The following ELP5 variants were observed in gnomAD, a reference collection of about 807,000 sequenced individuals.
ELP5 encodes the protein elongator complex protein 5.
Under a neutral mutation model 33.4 loss-of-function variants are expected in ELP5, and 34 were observed. The observed-to-expected ratio is 1.02, with a 90% CI of 0.78 to 1.36. ELP5 has a LOEUF of 1.36. Among genes scored for constraint, ELP5 ranks in the 40% most tolerant of loss-of-function variants. The pLI is 0.00. For missense variants in ELP5, 373 were observed against 371.7 expected (o/e 1.00, Z -0.03); for synonymous variants, 161 against 146.4 (o/e 1.10, Z -0.72).
chr17:7,259,260 G>T, intron 7 of ELP5: 2 of 1,371,254 alleles, frequency 1.5e-6, no homozygotes, highest in Non-Finnish European at 1.9e-6. Flanking sequence ...GGCAGAGGCT[G>T]GTTAACAAGG....
intron 3 of ELP5, 132 bp downstream of exon 3, chr17:7,253,130 C>G: frequency 1.2e-6 from 1 of 816,594 alleles, no homozygotes; most frequent in Non-Finnish European, 2.0e-6. Context: ...GGATATGGAT[C>G]TTTCAGGAGG....
intron 4 of ELP5, among the ~76,000 whole-genome samples, chr17:7,256,415 G>A (rs974092023): frequency 6.6e-6 from 1 of 152,222 alleles, no homozygotes; most frequent in Non-Finnish European, 1.5e-5. Flanking sequence ...GCTGACCTTT[G>A]TAAGGATTCA....
chr17:7,258,797 C>A (rs758138138), intron 6 of ELP5, 29 bp from the exon 7 acceptor site: 4 of 1,614,140 alleles, frequency 2.5e-6, no homozygotes, highest in Non-Finnish European at 3.4e-6. Context: ...AGGGATGGGG[C>A]AGAGTGGCAG....
chr17:7,257,941 G>A (rs569986819), intron 5 of ELP5, among the ~76,000 whole-genome samples: 1 of 152,172 alleles, frequency 6.6e-6, no homozygotes, highest in Non-Finnish European at 1.5e-5. Context: ...AGTGGTGGGT[G>A]CCTGTAGTCC....
At chr17:7,255,109 T>C (rs1431310244) in intron 4 of ELP5, among the ~76,000 whole-genome samples, 1 of 152,086 alleles carries the variant, frequency 6.6e-6, no homozygotes, top group Admixed American at 6.5e-5. Context: ...AGACTGACTG[T>C]AGCTGGGTCC....
At position 7,252,612 on chromosome 17, in the gene ELP5, A is replaced by G; in HGVS notation, c.46+16A>G. On this transcript the variant is annotated intron_variant, in intron 1 of 7. Transcript: ENST00000396628. ...CTGCTTCGGGGTGAGAGCCAGAGGC[A>G]CGGTGGCGGGGCGGGGGGTGCGGTT... The G allele has an allele frequency of 1.2e-6, 2 of 1,609,682 alleles. No individual in the cohort carries two copies. Among genetic ancestry groups the G allele is most frequent in the Non-Finnish European group, 1.7e-6 (2 of 1,178,432 alleles).
intron 5 of ELP5, among the ~76,000 whole-genome samples, chr17:7,258,063 G>A (rs1294122472): frequency 3.3e-5 from 5 of 151,748 alleles, no homozygotes; most frequent in South Asian, 4.2e-4. Context: ...GTGAGACTCC[G>A]TCTCAAAAAA....
At chr17:7,252,625 G>T (rs199771341) in intron 1 of ELP5, 29 bp downstream of exon 1, 2 of 1,605,004 alleles carry the variant, frequency 1.2e-6, no homozygotes, top group Non-Finnish European at 8.5e-7. Context: ...GTGGCGGGGC[G>T]GGGGGTGCGG....
chr17:7,254,850 A>C (rs2072038689), intron 4 of ELP5, 47 bp downstream of exon 4: 1 of 1,505,998 alleles, frequency 6.6e-7, no homozygotes, highest in African/African-American at 1.6e-5. Context: ...TCCCTCTGCC[A>C]AGGAGTGTGC....
rs75629086 is a variant in ELP5 at position 7,259,310 on chromosome 17, C to T, written c.789-261C>T. The T allele has an allele frequency of 6.4e-4, 883 of 1,385,296 alleles. 11 individuals carry two copies. In the South Asian group the frequency reaches 9.9e-3, roughly 16 times the overall value. 85.8% of individuals were successfully genotyped at this position (1,385,296 alleles called of 1,614,324 possible). ...TGCTGTTCTGTGCCCAGTATGTGGG[C>T]GGATGACGCAAGACTACAAGATCCT... On this transcript the variant is annotated intron_variant, in intron 7 of 7. Coordinates refer to ENST00000396628, the MANE Select transcript of ELP5 (RefSeq NM_203414.3).
intron 4 of ELP5, among the ~76,000 whole-genome samples, chr17:7,255,067 G>A (rs1193017900): frequency 3.3e-5 from 5 of 150,732 alleles, no homozygotes; most frequent in Admixed American, 2.7e-4. Flanking sequence ...TATACAATGT[G>A]TCAGGTACAA....
intron 4 of ELP5, among the ~76,000 whole-genome samples, chr17:7,256,360 A>G (rs1341430421): frequency 1.3e-5 from 2 of 152,240 alleles, no homozygotes; most frequent in African/African-American, 2.4e-5. Flanking sequence ...AAAAGAAAAA[A>G]AAATTGTTAA....
rs2072155854 is a variant in ELP5, at chr17:7,259,273, T to G, written c.789-298T>G. On this transcript the variant is annotated intron_variant, in intron 7 of 7. Transcript: ENST00000396628. ...GTGGCAGAGGCTGGTTAACAAGGGC[T>G]TAGTACACGCTTGCTGTTCTGTGCC... 4 of 1,374,346 alleles carry G rather than the reference T, an allele frequency of 2.9e-6. No homozygotes were observed. In the Admixed American group the frequency reaches 9.2e-5, roughly 32 times the overall value. The allele number at this position is 1,374,346 out of a possible 1,614,324, so 85.1% of individuals were successfully genotyped here.
chr17:7,254,955 ACTTCTC>A (rs1405208977), intron 4 of ELP5, 152 bp downstream of exon 4: 21 of 536,430 alleles, frequency 3.9e-5, no homozygotes, highest in Non-Finnish European at 6.0e-5. Context: ...TTTTTTTTTT[ACTTCTC>A]CTTAATGCCA....
At chr17:7,256,802 C>T in intron 4 of ELP5, 55 bp from the exon 5 acceptor site, 5 of 1,581,032 alleles carry the variant, frequency 3.2e-6, no homozygotes, top group Non-Finnish European at 3.5e-6. Context: ...CTGTTAGCTC[C>T]CAGGCCACCA....
chr17:7,258,410 CTG>C (rs553443419), intron 5 of ELP5, among the ~76,000 whole-genome samples, 176 bp from the exon 6 acceptor site: 165 of 148,878 alleles, frequency 1.1e-3, no homozygotes, highest in African/African-American at 3.8e-3. Context: ...GATCACGCCA[CTG>C]TACTCCAGCC....
At chr17:7,259,269 G>C in intron 7 of ELP5, 1 of 1,372,994 alleles carries the variant, frequency 7.3e-7, no homozygotes, top group Non-Finnish European at 9.4e-7. Flanking sequence ...TGGTTAACAA[G>C]GGCTTAGTAC....
In ELP5 at chr17:7,256,943, A is replaced by C; in HGVS notation, c.496A>C (p.Ser166Arg). The change falls in exon 5 of 8, where the codon AGC becomes CGC. Residue 166 changes from serine (S) to arginine (R), a missense_variant. Coordinates refer to ENST00000396628, the MANE Select transcript of ELP5 (RefSeq NM_203414.3). ...HGPGPVGALS[S>R]LAQTEVTLGG... The stretch of plus-strand genomic sequence containing the variant: ...ACCAGGCCCTGTGGGAGCTCTCAGC[A>C]GCCTTGCTCAGACTGAGGTGACCCT... 6.2e-7 allele frequency: 1 copy of C among 1,614,022 alleles called. No individual in the cohort carries two copies. The highest frequency in any genetic ancestry group is 1.3e-5 in the African/African-American group (1 of 75,056).
Position 7,258,665 on chromosome 17 carries a change from C to A in ELP5, c.669C>A (p.Ser223=), listed in dbSNP as rs772028750. The A allele has an allele frequency of 3.1e-6, 5 of 1,613,972 alleles. No homozygotes were observed. Among genetic ancestry groups the A allele is most frequent in the Admixed American group, 3.3e-5 (2 of 59,978 alleles). The stretch of plus-strand genomic sequence containing the variant: ...CCTCTGTAGAGTCCCAGCCCTACTC[C>A]GATCCTCATATACCCCCGGTATCTA... ...EGPSVESQPY[S]DPHIPPVDPT... The change falls in exon 6 of 8, where the codon TCC becomes TCA. Residue 223 remains serine, a synonymous_variant. Coordinates refer to ENST00000396628, the MANE Select transcript of ELP5 (RefSeq NM_203414.3).
Sources: gnomAD v4.1 joint callset for allele counts (sites outside exome capture counted in the v4.1 genomes callset) on GRCh38, gnomAD v4.1.1 for gene constraint, MANE v1.5 for transcripts, NCBI Gene and HGNC (gene_info 2026-07-23, HGNC 2026-07-21) for gene names.